Variants in TRPM3 observed in about 807,000 individuals in gnomAD.
TRPM3 encodes transient receptor potential cation channel subfamily M member 3.
A neutral mutation model predicts 181.2 loss-of-function variants in TRPM3; 77 were observed. The ratio of observed to expected loss-of-function variants is 0.42; its 90% CI spans 0.35 to 0.51. The LOEUF is 0.51. Ranked by LOEUF, TRPM3 falls within the 20% of genes least tolerant of loss-of-function variation. The pLI, the probability that TRPM3 is intolerant of heterozygous loss-of-function variation, is 0.01. For missense variants in TRPM3, 1,759 were observed against 2,196.7 expected (o/e 0.80, Z 3.98); for synonymous variants, 745 against 796.4 (o/e 0.94, Z 1.09).
chr9:70,648,876 A>G (rs114498661), intron 9 of TRPM3, among the ~76,000 whole-genome samples: 1 of 152,168 alleles, frequency 6.6e-6, no homozygotes, highest in Non-Finnish European at 1.5e-5. Flanking sequence ...TATAAAACCT[A>G]AAACTATGAA....
At chr9:71,260,798 T>C (rs1349183146) in intron 1 of TRPM3, among the ~76,000 whole-genome samples, 2 of 152,242 alleles carry the variant, frequency 1.3e-5, no homozygotes, top group Non-Finnish European at 2.9e-5. Flanking sequence ...GATCAGGTTT[T>C]CTAAATATAC....
chr9:70,624,787 C>T (rs1324086514), intron 14 of TRPM3, among the ~76,000 whole-genome samples: 2 of 152,034 alleles, frequency 1.3e-5, no homozygotes, highest in Non-Finnish European at 2.9e-5. Context: ...TGAACTTATT[C>T]TTTGTTTTTG....
chr9:71,298,399 C>T (rs1196157768), intron 1 of TRPM3, among the ~76,000 whole-genome samples: 2 of 151,224 alleles, frequency 1.3e-5, no homozygotes, highest in Non-Finnish European at 2.9e-5. Context: ...GTCCTGGGCA[C>T]AGTAAAAGCT....
chr9:70,823,690 C>CA (rs539060277), intron 6 of TRPM3, among the ~76,000 whole-genome samples: 489 of 34,024 alleles, frequency 0.014, 1 homozygote, highest in Non-Finnish European at 0.026. Flanking sequence ...ACTATGGTTG[C>CA]CCCCCTTGAT....
chr9:70,822,515 T>G (rs190480523), intron 6 of TRPM3, among the ~76,000 whole-genome samples: 43 of 151,712 alleles, frequency 2.8e-4, no homozygotes, highest in Admixed American at 2.6e-3. Context: ...AGATAGAAAG[T>G]AGAAGAGTGG....
rs577792843 is a variant in TRPM3, at chr9:70,531,222, C to T, written c.*4731G>A. The T allele has an allele frequency of 6.6e-5, 10 of 152,282 alleles. No individual in the cohort carries two copies. In the East Asian group the frequency reaches 1.7e-3, roughly 26 times the overall value. 9.4% of individuals were successfully genotyped at this position (152,282 alleles called of 1,614,324 possible). On this transcript the variant is annotated 3_prime_UTR_variant, in exon 26 of 26. Transcript: ENST00000677713. The stretch of plus-strand genomic sequence containing the variant: ...GCAGACCCAAGAGGTGTTGGCTTGC[C>T]ACCTCTGGGTCCCATGGCTATACAA...
At chr9:70,780,661 T>G (rs951032350) in intron 7 of TRPM3, among the ~76,000 whole-genome samples, 2 of 152,166 alleles carry the variant, frequency 1.3e-5, no homozygotes, top group African/African-American at 4.8e-5. Context: ...ATTAAATTCT[T>G]GAAGTTATTC....
At position 71,222,121 on chromosome 9, in the gene TRPM3, T is replaced by C. The variant is rs189788575; in HGVS notation, c.183+224532A>G. 9.8e-5 allele frequency among the ~76,000 whole-genome samples: 15 copies of C among 152,340 alleles called. No individual in the cohort carries two copies. In the East Asian group the frequency reaches 2.9e-3, roughly 29 times the overall value. On this transcript the variant is annotated intron_variant, in intron 1 of 24. Transcript: ENST00000357533. The stretch of plus-strand genomic sequence containing the variant: ...GTGCTTTCAATATATTAGTTGAAGC[T>C]GATATTGAGCAGTACACTGCTGATA...
intron 14 of TRPM3, among the ~76,000 whole-genome samples, chr9:70,623,251 G>A (rs1266381695): frequency 1.3e-5 from 2 of 151,614 alleles, no homozygotes; most frequent in East Asian, 1.9e-4. Flanking sequence ...CTGTAATGCC[G>A]GCTACTCGGG....
intron 25 of TRPM3, among the ~76,000 whole-genome samples, chr9:70,545,632 C>A (rs945044683): frequency 6.9e-6 from 1 of 145,166 alleles, no homozygotes; most frequent in Admixed American, 7.3e-5. Context: ...CTGCAGCCTC[C>A]ACCTCCCGGG....
At chr9:70,745,804 AC>A (rs1164696467) in intron 8 of TRPM3, among the ~76,000 whole-genome samples, 1 of 152,114 alleles carries the variant, frequency 6.6e-6, no homozygotes, top group Non-Finnish European at 1.5e-5. Context: ...TCTTAATTGT[AC>A]CCTGTCCACT....
intron 1 of TRPM3, among the ~76,000 whole-genome samples, chr9:71,282,156 AGGAAAAGAAAGAAT>A (rs2132203025): frequency 6.8e-6 from 1 of 146,058 alleles, no homozygotes; most frequent in Admixed American, 6.8e-5. Flanking sequence ...AAAGAAAGAA[AGGAAAAGAAAGAAT>A]GAAAGAAAGA....
In TRPM3 at chr9:70,843,144, A is replaced by G. The variant is rs1365087957; in HGVS notation, c.677-17T>C. 1.3e-6 allele frequency: 2 copies of G among 1,594,628 alleles called. No homozygotes were observed. Among genetic ancestry groups the G allele is most frequent in the African/African-American group, 2.7e-5 (2 of 73,326 alleles). On this transcript the variant is annotated splice_polypyrimidine_tract_variant and intron_variant, in intron 4 of 25. Coordinates refer to ENST00000677713, the MANE Select transcript of TRPM3 (RefSeq NM_001366145.2). ...GAATAACACCTAAAAAAAAAAGAGA[A>G]GCATTGATTTTTTCTTTTAAAGCAA...
At chr9:71,375,074 A>C (rs1295385841) in intron 1 of TRPM3, among the ~76,000 whole-genome samples, 1 of 152,218 alleles carries the variant, frequency 6.6e-6, no homozygotes, top group Non-Finnish European at 1.5e-5. Flanking sequence ...CATTCTTCAC[A>C]GAACTAGAAA....
chr9:71,375,607 G>T (rs1050783540), intron 1 of TRPM3, among the ~76,000 whole-genome samples: 1 of 152,080 alleles, frequency 6.6e-6, no homozygotes, highest in African/African-American at 2.4e-5. Context: ...ATGGGAGAAA[G>T]ATTTTGCAAA....
chr9:71,297,428 G>C (rs2086380708), intron 1 of TRPM3, among the ~76,000 whole-genome samples: 1 of 152,152 alleles, frequency 6.6e-6, no homozygotes. Context: ...AGAAACGAAA[G>C]TGGTTTAATT....
chr9:70,859,414 C>T (rs10868918), intron 3 of TRPM3, among the ~76,000 whole-genome samples: 53,850 of 151,940 alleles, frequency 0.35, 9,918 homozygotes, highest in African/African-American at 0.39. Context: ...TGCTCTGCGA[C>T]ATGGAGAAAT....
At chr9:70,698,574 G>A (rs6560148) in intron 8 of TRPM3, among the ~76,000 whole-genome samples, 56,056 of 151,962 alleles carry the variant, frequency 0.37, 11,044 homozygotes, top group African/African-American at 0.5. Context: ...CACTAGGTCT[G>A]CAGCAAGAGA....
intron 1 of TRPM3, among the ~76,000 whole-genome samples, chr9:70,997,120 A>G (rs2097547483): frequency 6.6e-6 from 1 of 152,206 alleles, no homozygotes; most frequent in South Asian, 2.1e-4. Context: ...ACTGATTTAT[A>G]ACTTCAGAAA....
Sources: gnomAD v4.1 joint callset for allele counts (sites outside exome capture counted in the v4.1 genomes callset) on GRCh38, gnomAD v4.1.1 for gene constraint, MANE v1.5 for transcripts, NCBI Gene and HGNC (gene_info 2026-07-23, HGNC 2026-07-21) for gene names.